CDH13: variants seen among roughly 807,000 people sequenced by gnomAD.
CDH13 encodes cadherin 13.
In CDH13, 24 loss-of-function variants were observed where a neutral mutation model predicts 63.8. The ratio of observed to expected loss-of-function variants is 0.38; its 90% confidence interval spans 0.27 to 0.53. CDH13 has a LOEUF of 0.53. Ranked by LOEUF, CDH13 falls within the 20% of genes least tolerant of loss-of-function variation. The pLI is 0.85. For synonymous variants in CDH13, 503 were observed against 355.3 expected, an observed-to-expected ratio of 1.42 and a Z score of -4.67; for missense variants, 1,049 against 903.1, an observed-to-expected ratio of 1.16 and a Z score of -2.07.
intron 2 of CDH13, among the ~76,000 whole-genome samples, chr16:82,946,721 A>G (rs1363448874): frequency 1.2e-5 from 1 of 85,376 alleles, no homozygotes; most frequent in East Asian, 3.1e-4. Flanking sequence ...ACTCTGTCTC[A>G]AAAAAAAGAA....
chr16:83,167,989 C>T (rs762091127), intron 4 of CDH13, among the ~76,000 whole-genome samples: 7 of 151,880 alleles, frequency 4.6e-5, no homozygotes, highest in Admixed American at 3.3e-4. Context: ...ATAAGTGGGA[C>T]CTAAACAGTG....
intron 10 of CDH13, among the ~76,000 whole-genome samples, chr16:83,729,315 A>G (rs921775194): frequency 6.6e-6 from 1 of 152,202 alleles, no homozygotes; most frequent in African/African-American, 2.4e-5. Context: ...TACCATCTAT[A>G]GTAATAAGGT....
At chr16:83,037,723 C>G (rs1292019940) in intron 3 of CDH13, among the ~76,000 whole-genome samples, 1 of 152,112 alleles carries the variant, frequency 6.6e-6, no homozygotes, top group Admixed American at 6.6e-5. Context: ...GGAAGAACAG[C>G]ATAGTGGTGG....
At chr16:82,842,198 A>C (rs533604564) in intron 1 of CDH13, among the ~76,000 whole-genome samples, 2 of 144,584 alleles carry the variant, frequency 1.4e-5, no homozygotes, top group Non-Finnish European at 3.0e-5. Flanking sequence ...ATATATGTAT[A>C]CACACACATT....
intron 7 of CDH13, among the ~76,000 whole-genome samples, chr16:83,588,512 T>C (rs1488100008): frequency 6.6e-6 from 1 of 152,220 alleles, no homozygotes; most frequent in Non-Finnish European, 1.5e-5. Context: ...ACAGGCAGTG[T>C]CTTGGGACCT....
intron 6 of CDH13, among the ~76,000 whole-genome samples, chr16:83,346,471 A>G (rs1196989685): frequency 2.6e-5 from 4 of 152,186 alleles, no homozygotes; most frequent in Admixed American, 2.0e-4. Flanking sequence ...ATGATTCCCA[A>G]TTGCTATCTG....
chr16:83,155,626 A>T (rs2037176014), intron 4 of CDH13, among the ~76,000 whole-genome samples: 1 of 152,170 alleles, frequency 6.6e-6, no homozygotes, highest in African/African-American at 2.4e-5. Context: ...TTACAACTTA[A>T]AAACTTTAAA....
intron 13 of CDH13, among the ~76,000 whole-genome samples, chr16:83,787,835 C>T (rs567033640): frequency 1.3e-5 from 2 of 152,226 alleles, no homozygotes; most frequent in Admixed American, 1.3e-4. Context: ...CCCAGCTACT[C>T]GGGAGGCTGA....
At chr16:82,840,930 T>C (rs1314132344) in intron 1 of CDH13, among the ~76,000 whole-genome samples, 2 of 152,130 alleles carry the variant, frequency 1.3e-5, no homozygotes, top group African/African-American at 4.8e-5. Context: ...AAAGTTAGTG[T>C]CAATGAGTGA....
chr16:82,716,244 C>G (rs964756687), intron 1 of CDH13, among the ~76,000 whole-genome samples: 3 of 152,054 alleles, frequency 2.0e-5, no homozygotes, highest in African/African-American at 7.2e-5. Flanking sequence ...ACTGGATTTT[C>G]GGGACCTTGG....
chr16:83,110,510 G>C (rs1048138606), intron 3 of CDH13, among the ~76,000 whole-genome samples: 7 of 152,146 alleles, frequency 4.6e-5, no homozygotes, highest in South Asian at 2.1e-4. Flanking sequence ...CTGGGCTGGC[G>C]AGCTGAGTCA....
At chr16:83,266,948 TC>T (rs1409628454) in intron 5 of CDH13, among the ~76,000 whole-genome samples, 3 of 152,336 alleles carry the variant, frequency 2.0e-5, no homozygotes, top group African/African-American at 4.8e-5. Flanking sequence ...TTTCTTTTTT[TC>T]TACTCATGTT....
At chr16:82,770,408 T>C (rs1454507642) in intron 1 of CDH13, among the ~76,000 whole-genome samples, 1 of 152,210 alleles carries the variant, frequency 6.6e-6, no homozygotes, top group Non-Finnish European at 1.5e-5. Flanking sequence ...ATTATAATGG[T>C]TCTTGACCGT....
intron 2 of CDH13, among the ~76,000 whole-genome samples, chr16:83,019,894 C>T (rs1316221760): frequency 1.3e-5 from 2 of 149,604 alleles, no homozygotes; most frequent in African/African-American, 2.5e-5. Context: ...AAACCAGTAG[C>T]ATAGTTGTTT....
At chr16:82,915,763 G>A (rs914061821) in intron 2 of CDH13, among the ~76,000 whole-genome samples, 1 of 151,208 alleles carries the variant, frequency 6.6e-6, no homozygotes, top group Non-Finnish European at 1.5e-5. Flanking sequence ...TTCTTCCCTT[G>A]GATTTGCTCA....
intron 6 of CDH13, among the ~76,000 whole-genome samples, chr16:83,417,316 C>G (rs2071579014): frequency 6.6e-6 from 1 of 152,168 alleles, no homozygotes; most frequent in Non-Finnish European, 1.5e-5. Flanking sequence ...TCTCCCCTTT[C>G]CCCAAGATTA....
chr16:83,527,573 G>A (rs1174188585), intron 7 of CDH13, among the ~76,000 whole-genome samples: 2 of 152,188 alleles, frequency 1.3e-5, no homozygotes, highest in Non-Finnish European at 2.9e-5. Flanking sequence ...ACGGCCCAGG[G>A]CAACTACATC....
At chr16:83,357,653 G>A (rs191720189) in intron 6 of CDH13, among the ~76,000 whole-genome samples, 42 of 152,272 alleles carry the variant, frequency 2.8e-4, no homozygotes, top group Admixed American at 2.7e-3. Flanking sequence ...CCAAGGTCAA[G>A]GACTGGTAAA....
intron 8 of CDH13, among the ~76,000 whole-genome samples, chr16:83,606,584 T>A (rs1161856448): frequency 6.6e-6 from 1 of 151,048 alleles, no homozygotes; most frequent in Non-Finnish European, 1.5e-5. Context: ...CAAAAAAAAA[T>A]ACAAAAATTA....
Sources: allele counts gnomAD v4.1 joint callset (sites outside exome capture counted in the v4.1 genomes callset), GRCh38; gene constraint gnomAD v4.1.1; transcripts MANE v1.5; gene names NCBI Gene and HGNC (gene_info 2026-07-23, HGNC 2026-07-21).